SERHL2: variants seen among roughly 807,000 people sequenced by gnomAD.
SERHL2 encodes serine hydrolase-like protein 2.
A neutral mutation model predicts 25.5 loss-of-function variants in SERHL2; 29 were observed. The observed-to-expected ratio is 1.14, with a 90% CI of 0.85 to 1.55. SERHL2 has a LOEUF of 1.55. SERHL2 is among the 40% of genes most tolerant of loss of function. The pLI, the probability that SERHL2 is intolerant of heterozygous loss-of-function variation, is 0.00. For missense variants in SERHL2, 240 were observed against 252.3 expected (o/e 0.95, Z 0.33); for synonymous variants, 95 against 103.5 (o/e 0.92, Z 0.50).
chr22:42,559,918 T>C (rs1922465295), intron 7 of SERHL2, among the ~76,000 whole-genome samples: 1 of 151,790 alleles, frequency 6.6e-6, no homozygotes, highest in East Asian at 1.9e-4. Flanking sequence ...TTCAAGTGAT[T>C]CTCATGCCTC....
At chr22:42,563,447 T>C (rs1480864784) in intron 8 of SERHL2, 11 of 443,310 alleles carry the variant, frequency 2.5e-5, no homozygotes, top group African/African-American at 1.2e-4. Flanking sequence ...CAAGCGATCC[T>C]ACTGACTCGA....
chr22:42,571,298 C>T (rs1924151237), intron 10 of SERHL2, 95 bp downstream of exon 10: 3 of 1,580,252 alleles, frequency 1.9e-6, no homozygotes, highest in Admixed American at 3.6e-5. Context: ...TCCAAGTTCT[C>T]TGCGTGTCGA....
rs138377748 is a variant in SERHL2 at position 42,554,040 on chromosome 22, C to T, written c.20C>T (p.Pro7Leu). MSENAAPGLISELKLAV... is the reference protein window; with the variant it reads MSENAALGLISELKLAV... ...AGAGCGATGAGTGAGAACGCCGCAC[C>T]AGGTCTGACGGGGAGGCCTTGTGCG... The change falls in exon 1 of 12, where the codon CCA (proline) becomes CTA (leucine). Residue 7 changes from proline to leucine, a missense_variant and splice_region_variant. By Grantham distance (98) the Pro-to-Leu change is moderately conservative. Coordinates refer to ENST00000327678, the MANE Select transcript of SERHL2 (RefSeq NM_014509.5). 4 of 1,613,588 alleles carry T rather than the reference C, an allele frequency of 2.5e-6. No individual in the cohort carries two copies. In the African/African-American group the frequency reaches 5.3e-5, roughly 22 times the overall value.
At chr22:42,562,632 G>A (rs901729890) in intron 8 of SERHL2, among the ~76,000 whole-genome samples, 2 of 151,858 alleles carry the variant, frequency 1.3e-5, no homozygotes, top group African/African-American at 2.4e-5. Flanking sequence ...TGGGCCTCAT[G>A]AGAAGGTGAC....
At chr22:42,570,484 C>T (rs1386959498) in intron 9 of SERHL2, among the ~76,000 whole-genome samples, 1 of 152,146 alleles carries the variant, frequency 6.6e-6, no homozygotes, top group Non-Finnish European at 1.5e-5. Context: ...AAGATGTAAT[C>T]AACATAAAGC....
intron 8 of SERHL2, among the ~76,000 whole-genome samples, chr22:42,562,391 C>T (rs1205595743): frequency 1.3e-5 from 2 of 151,880 alleles, no homozygotes; most frequent in African/African-American, 2.4e-5. Context: ...GGTCCAAGGT[C>T]AAGGCCTCGG....
rs767934153 is a variant in SERHL2, at chr22:42,561,524, C to T, written c.613+1259C>T. Among the ~76,000 whole-genome samples, 60 of 151,232 alleles carry T rather than the reference C, an allele frequency of 4.0e-4. 1 individual carries two copies. The highest frequency in any genetic ancestry group is 7.4e-4 in the Non-Finnish European group (50 of 67,766). ...GTGTTGTGGAGTTGAGGGTGCAGGCCGGGAGGGAGGCTATGGGCTGTGTAG... is the reference window on the plus strand; with the variant it reads ...GTGTTGTGGAGTTGAGGGTGCAGGCTGGGAGGGAGGCTATGGGCTGTGTAG... On this transcript the variant is annotated intron_variant, in intron 8 of 11. Transcript: ENST00000327678.
At chr22:42,567,641 G>A (rs936676781) in intron 9 of SERHL2, among the ~76,000 whole-genome samples, 5 of 151,270 alleles carry the variant, frequency 3.3e-5, no homozygotes, top group African/African-American at 1.2e-4. Context: ...TTCGCAGTCC[G>A]GCCTGGGCGA....
rs1374780407 is a variant in SERHL2 at position 42,560,239 on chromosome 22, A to G, written c.587A>G (p.Gln196Arg). Residue 196 changes from glutamine to arginine, a missense_variant, in exon 8 of 12, where the codon CAA (glutamine) becomes CGA (arginine). Around this residue, in one of 4 missense-constraint regions of SERHL2, gnomAD observed 212 missense variants for 168.9 expected, o/e 1.25. Coordinates refer to ENST00000327678, the MANE Select transcript of SERHL2 (RefSeq NM_014509.5). ...GAGGAGTGCGGGGAGCTTCTCCTGC[A>G]AAGAGGAACCACGAAGGTGGCCACA... ...LSEECGELLLQRGTTKVATGL... is the reference protein window; with the variant it reads ...LSEECGELLLRRGTTKVATGL... 1 of 1,612,736 alleles carries G rather than the reference A, an allele frequency of 6.2e-7. No individual in the cohort carries two copies. The highest frequency in any genetic ancestry group is 2.2e-5 in the East Asian group (1 of 44,876).
chr22:42,561,944 C>T (rs530614070), intron 8 of SERHL2, among the ~76,000 whole-genome samples: 6 of 151,750 alleles, frequency 4.0e-5, no homozygotes, highest in East Asian at 3.9e-4. Context: ...GGAATGAGGC[C>T]GGGGAATTCG....
chr22:42,563,299 G>T lies in SERHL2; in HGVS notation c.614-3005G>T, dbSNP rs761024892. 78 of 246,220 alleles carry T rather than the reference G, an allele frequency of 3.2e-4. 1 individual carries two copies. Among genetic ancestry groups the T allele is most frequent in the Non-Finnish European group, 6.9e-5 (8 of 116,214 alleles). The allele number at this position is 246,220 out of a possible 1,614,324, so 15.3% of individuals were successfully genotyped here. Reference sequence around the variant, plus strand: ...GCTCACTGCAGCCTTGGCCTCATGGGCTCAGGCGATCCTCCTACCTCAGCC... The same window carrying T: ...GCTCACTGCAGCCTTGGCCTCATGGTCTCAGGCGATCCTCCTACCTCAGCC... On this transcript the variant is annotated intron_variant, in intron 8 of 11. Coordinates refer to ENST00000327678, the MANE Select transcript of SERHL2 (RefSeq NM_014509.5).
chr22:42,571,310 C>T (rs1385955107), intron 10 of SERHL2, 107 bp downstream of exon 10: 2 of 1,557,514 alleles, frequency 1.3e-6, no homozygotes, highest in Non-Finnish European at 8.7e-7. Context: ...GCGTGTCGAC[C>T]ACATCGCTAA....
chr22:42,568,223 A>C (rs1244921261), intron 9 of SERHL2, among the ~76,000 whole-genome samples: 1 of 151,602 alleles, frequency 6.6e-6, no homozygotes, highest in African/African-American at 2.4e-5. Flanking sequence ...GGGTCTTGCC[A>C]TGTTGCCCAG....
chr22:42,566,005 A>C (rs184086061), intron 8 of SERHL2, among the ~76,000 whole-genome samples: 2 of 152,068 alleles, frequency 1.3e-5, no homozygotes, highest in African/African-American at 4.8e-5. Flanking sequence ...CTCAGAGACT[A>C]GAGCTCCACC....
chr22:42,572,521 C>T lies in SERHL2; in HGVS notation c.817C>T (p.Leu273Phe). Residue 273 changes from leucine (L) to phenylalanine (F), a missense_variant, in exon 11 of 12, where the codon CTC becomes TTC. Transcript: ENST00000327678. Reference sequence around the variant, plus strand: ...CATGATAGACACGATGAAATCCACCCTCAAAGAGGTAAGACGGGGCTCAGG... The same window carrying T: ...CATGATAGACACGATGAAATCCACCTTCAAAGAGGTAAGACGGGGCTCAGG... Reference protein sequence around the residue: ...SFMIDTMKSTLKEQFQFVEVP... With the variant: ...SFMIDTMKSTFKEQFQFVEVP... 3.1e-6 allele frequency: 5 copies of T among 1,612,020 alleles called. No homozygotes were observed. The highest frequency in any genetic ancestry group is 3.4e-6 in the Non-Finnish European group (4 of 1,178,486).
intron 8 of SERHL2, 148 bp from the exon 9 acceptor site, chr22:42,566,156 G>T: frequency 1.4e-6 from 1 of 715,766 alleles, no homozygotes; most frequent in East Asian, 2.7e-5. Flanking sequence ...CCCAGGACAG[G>T]GAGTCCTGGG....
At chr22:42,566,233 C>G in intron 8 of SERHL2, 71 bp from the exon 9 acceptor site, 2 of 1,510,314 alleles carry the variant, frequency 1.3e-6, no homozygotes, top group Non-Finnish European at 1.8e-6. Flanking sequence ...AGGGTTCCAG[C>G]AAAGTCACGG....
At chr22:42,561,164 T>C (rs768250404) in intron 8 of SERHL2, among the ~76,000 whole-genome samples, 1 of 151,900 alleles carries the variant, frequency 6.6e-6, no homozygotes, top group Non-Finnish European at 1.5e-5. Context: ...AAATACATGG[T>C]GCTCTAGAAG....
chr22:42,571,040 C>T lies in SERHL2; in HGVS notation c.649-81C>T, dbSNP rs1009808943. On this transcript the variant is annotated intron_variant, in intron 9 of 11. Transcript: ENST00000327678. ...TAAGGTGCCCTCGCCAGGACTTAGC[C>T]ACCCCAACAGAGATGGGTTTCGTGC... The T allele has an allele frequency of 2.6e-5, 41 of 1,599,794 alleles. No individual in the cohort carries two copies. The Middle Eastern group carries it at 9.7e-4, about 38-fold the overall frequency.
Sources: allele counts gnomAD v4.1 joint callset (sites outside exome capture counted in the v4.1 genomes callset), GRCh38; gene constraint gnomAD v4.1.1; regional missense constraint gnomAD v4.1.1; transcripts MANE v1.5; gene names NCBI Gene and HGNC (gene_info 2026-07-23, HGNC 2026-07-21).